ST8SIA6: variants seen among roughly 807,000 people sequenced by gnomAD.
ST8SIA6 encodes the protein ST8 alpha-N-acetyl-neuraminide alpha-2,8-sialyltransferase 6, also known as alpha-2,8-sialyltransferase 8F.
In ST8SIA6, 39 loss-of-function variants were observed where a neutral mutation model predicts 33.6. The ratio of observed to expected loss-of-function variants is 1.16; its 90% confidence interval spans 0.90 to 1.52. The LOEUF is 1.52. Ranked by LOEUF, ST8SIA6 falls within the 40% of genes most tolerant of loss-of-function variation. ST8SIA6 has a pLI of 0.00. For synonymous variants in ST8SIA6, 172 were observed against 167.2 expected, an observed-to-expected ratio of 1.03 and a Z score of -0.22; for missense variants, 441 against 443.8, an observed-to-expected ratio of 0.99 and a Z score of 0.06.
intron 4 of ST8SIA6, among the ~76,000 whole-genome samples, chr10:17,354,279 C>T (rs1285200215): frequency 2.6e-5 from 4 of 152,204 alleles, no homozygotes; most frequent in East Asian, 3.9e-4. Context: ...CTGAGTGTCA[C>T]GCTCAAGCAA....
intron 2 of ST8SIA6, among the ~76,000 whole-genome samples, chr10:17,411,768 C>T (rs1417060098): frequency 6.6e-6 from 1 of 152,146 alleles, no homozygotes; most frequent in Non-Finnish European, 1.5e-5. Context: ...GATATCTGTT[C>T]TTGTTCTTTA....
In ST8SIA6 at chr10:17,317,225, C is replaced by T. The variant is rs1034378546; in HGVS notation, c.*3653G>A. On this transcript the variant is annotated 3_prime_UTR_variant, in exon 8 of 8. Transcript: ENST00000377602. The stretch of plus-strand genomic sequence containing the variant: ...TGCCCTGTCTCCATTACATAAGTAG[C>T]GCATCTTTATCATATATCACCCACA... Among the ~76,000 whole-genome samples the T allele has an allele frequency of 3.9e-5, 6 of 152,074 alleles. No individual in the cohort carries two copies. The highest frequency in any genetic ancestry group is 6.6e-5 in the Admixed American group (1 of 15,254).
At chr10:17,397,454 C>T (rs1449643908) in intron 2 of ST8SIA6, among the ~76,000 whole-genome samples, 2 of 152,146 alleles carry the variant, frequency 1.3e-5, no homozygotes, top group East Asian at 1.9e-4. Flanking sequence ...AGGCTGGTCT[C>T]GAACTCCTGA....
intron 4 of ST8SIA6, among the ~76,000 whole-genome samples, chr10:17,333,521 G>T (rs534018432): frequency 6.6e-6 from 1 of 150,730 alleles, no homozygotes; most frequent in African/African-American, 2.4e-5. Flanking sequence ...CCAAAACAGC[G>T]TGGTACTGGT....
In ST8SIA6 at chr10:17,428,691, C is replaced by G. The variant is rs1368318421; in HGVS notation, c.200+24868G>C. On this transcript the variant is annotated intron_variant, in intron 2 of 7. Transcript: ENST00000377602. ...CAAGTAAAAGGGCGCAGAGGCCAGA[C>G]AGAAGAATGTGTCTGAATTGATAGA... is the stretch of plus-strand genomic sequence containing the variant. Among the ~76,000 whole-genome samples the G allele has an allele frequency of 2.0e-5, 3 of 152,070 alleles. No homozygotes were observed. In the East Asian group the frequency reaches 5.8e-4, roughly 30 times the overall value.
At chr10:17,383,531 T>G (rs1237849958) in intron 3 of ST8SIA6, among the ~76,000 whole-genome samples, 1 of 152,220 alleles carries the variant, frequency 6.6e-6, no homozygotes, top group East Asian at 1.9e-4. Flanking sequence ...CAGAGATAAA[T>G]TTTCTTGTCA....
intron 1 of ST8SIA6, 139 bp from the exon 2 acceptor site, chr10:17,453,796 G>A: frequency 1.7e-6 from 1 of 576,322 alleles, no homozygotes; most frequent in Admixed American, 4.4e-5. Flanking sequence ...CCCCAGAGTT[G>A]GAAGAGCCTT....
intron 3 of ST8SIA6, among the ~76,000 whole-genome samples, chr10:17,360,929 AGAG>A (rs1418782731): frequency 2.7e-5 from 4 of 149,514 alleles, no homozygotes; most frequent in African/African-American, 7.4e-5. Context: ...GGGAAGAAGA[AGAG>A]GAAAAGGAAG....
Position 17,436,281 on chromosome 10 carries a change from T to G in ST8SIA6, c.200+17278A>C, listed in dbSNP as rs566458403. 6.2e-4 allele frequency among the ~76,000 whole-genome samples: 95 copies of G among 152,188 alleles called. 1 individual carries two copies. Among genetic ancestry groups the G allele is most frequent in the African/African-American group, 2.2e-3 (90 of 41,536 alleles). On this transcript the variant is annotated intron_variant, in intron 2 of 7. Transcript: ENST00000377602. Reference sequence around the variant, plus strand: ...TTCCCACATGTTGTGGGAGGGTCCCTGGGGGGGAGGTAATTGAATCATGGG... The same window carrying G: ...TTCCCACATGTTGTGGGAGGGTCCCGGGGGGGGAGGTAATTGAATCATGGG...
At position 17,316,292 on chromosome 10, in the gene ST8SIA6, G is replaced by A. The variant is rs1847773888; in HGVS notation, c.*4586C>T. On this transcript the variant is annotated 3_prime_UTR_variant, in exon 8 of 8. Transcript: ENST00000377602. ...GCTAAAGCTTTTGTTTTCCCTTTAT[G>A]CTAAATTTAAAGGACATACCCTTAT... Among the ~76,000 whole-genome samples, 1 of 151,906 alleles carries A rather than the reference G, an allele frequency of 6.6e-6. No individual in the cohort carries two copies. The highest frequency in any genetic ancestry group is 1.5e-5 in the Non-Finnish European group (1 of 67,878).
chr10:17,436,487 G>A (rs891058313), intron 2 of ST8SIA6, among the ~76,000 whole-genome samples: 5 of 151,400 alleles, frequency 3.3e-5, no homozygotes, highest in Admixed American at 6.6e-5. Context: ...TTGTCATTTA[G>A]CATTAGGTAT....
In ST8SIA6 at chr10:17,320,683, T is replaced by G; in HGVS notation, c.*195A>C. The G allele has an allele frequency of 1.7e-6, 1 of 597,052 alleles. No homozygotes were observed. 37.0% of individuals were successfully genotyped at this position (597,052 alleles called of 1,614,324 possible). A position where few individuals can be genotyped will look rare whatever the true frequency, so the allele number is the denominator to read the frequency against. ...GTATGAGTCAGATATGGTGTCCATGTTATAAGGAGAAAAAATGAAGATGAG... is the reference window on the plus strand; with the variant it reads ...GTATGAGTCAGATATGGTGTCCATGGTATAAGGAGAAAAAATGAAGATGAG... On this transcript the variant is annotated 3_prime_UTR_variant, in exon 8 of 8. Transcript: ENST00000377602.
intron 2 of ST8SIA6, among the ~76,000 whole-genome samples, chr10:17,392,822 A>G (rs76802658): frequency 0.029 from 4,388 of 152,238 alleles, 65 homozygotes; most frequent in South Asian, 0.055. Context: ...TGCCCACTGT[A>G]TGTCTGGAGG....
chr10:17,333,547 T>G (rs1848367997), intron 4 of ST8SIA6, among the ~76,000 whole-genome samples: 1 of 150,244 alleles, frequency 6.7e-6, no homozygotes, highest in African/African-American at 2.5e-5. Flanking sequence ...AACAGAGAGA[T>G]AGACCAATGG....
intron 2 of ST8SIA6, among the ~76,000 whole-genome samples, chr10:17,419,975 A>C (rs1039555794): frequency 6.6e-6 from 1 of 152,196 alleles, no homozygotes; most frequent in African/African-American, 2.4e-5. Context: ...ATTTCCTTTA[A>C]AAAATATTAC....
intron 5 of ST8SIA6, 25 bp from the exon 6 acceptor site, chr10:17,327,151 C>T: frequency 6.5e-7 from 1 of 1,530,994 alleles, no homozygotes; most frequent in African/African-American, 1.4e-5. Context: ...TGGAAAACTA[C>T]CATGAAATAC....
rs562616939 is a variant in ST8SIA6 at position 17,319,118 on chromosome 10, A to G, written c.*1760T>C. On this transcript the variant is annotated 3_prime_UTR_variant, in exon 8 of 8. Coordinates refer to ENST00000377602, the MANE Select transcript of ST8SIA6 (RefSeq NM_001004470.3). The stretch of plus-strand genomic sequence containing the variant: ...CTTGAGAAAAAGATAAAAAGAATGC[A>G]CATGTTATATGTGTCACAATGAATG... 6.6e-6 allele frequency among the ~76,000 whole-genome samples: 1 copy of G among 152,320 alleles called. No homozygotes were observed. Among genetic ancestry groups the G allele is most frequent in the South Asian group, 2.1e-4 (1 of 4,828 alleles).
intron 3 of ST8SIA6, among the ~76,000 whole-genome samples, chr10:17,375,700 T>TA (rs1404387237): frequency 1.3e-5 from 2 of 152,238 alleles, no homozygotes; most frequent in Non-Finnish European, 2.9e-5. Context: ...CCCAGAAAGC[T>TA]ATCTGAATAC....
In ST8SIA6 at chr10:17,447,758, C is replaced by T. The variant is rs145395329; in HGVS notation, c.200+5801G>A. The stretch of plus-strand genomic sequence containing the variant: ...TAATAATTACTAACTAAAAAGTCCA[C>T]CCCTTTGCCACATGACCCCAAAAAC... On this transcript the variant is annotated intron_variant, in intron 2 of 7. Transcript: ENST00000377602. Among the ~76,000 whole-genome samples the T allele has an allele frequency of 3.2e-3, 490 of 152,184 alleles. 2 individuals carry two copies. The highest frequency in any genetic ancestry group is 4.9e-3 in the Non-Finnish European group (330 of 68,002).
Sources: allele counts gnomAD v4.1 joint callset (sites outside exome capture counted in the v4.1 genomes callset), GRCh38; gene constraint gnomAD v4.1.1; transcripts MANE v1.5; gene names NCBI Gene and HGNC (gene_info 2026-07-23, HGNC 2026-07-21).